Variants in RELT observed in about 807,000 individuals in gnomAD.
RELT encodes tumor necrosis factor receptor superfamily member 19L.
RELT carries 37 observed loss-of-function variants against 51.1 expected under a neutral mutation model. The observed-to-expected ratio is 0.72, with a 90% CI of 0.56 to 0.95. The LOEUF is 0.95. RELT is among the 40% of genes least tolerant of loss of function. The probability of loss-of-function intolerance (pLI) is 0.00; values close to 1 mark genes in which losing one functional copy is unlikely to be tolerated. For synonymous variants in RELT, 241 were observed against 235.7 expected (o/e 1.02, Z -0.21); for missense variants, 535 against 572.6 (o/e 0.93, Z 0.67).
intron 1 of RELT, among the ~76,000 whole-genome samples, chr11:73,385,453 T>G (rs374596217): frequency 6.6e-4 from 100 of 152,298 alleles, no homozygotes; most frequent in Middle Eastern, 3.4e-3. Flanking sequence ...AATTTCTGGT[T>G]CTCATTGTTC....
intron 6 of RELT, chr11:73,393,283 T>C: frequency 9.8e-7 from 1 of 1,019,240 alleles, no homozygotes; most frequent in Non-Finnish European, 1.2e-6. Context: ...AGACTTCCCT[T>C]TAACTGCTGG....
At position 73,388,158 on chromosome 11, in the gene RELT, T is replaced by C. The variant is rs562662170; in HGVS notation, c.-25-954T>C. ...GCCGTGACGCCACCATGGATATTTC[T>C]CTGAAGTATCACACACTGCACTCCC... On this transcript the variant is annotated intron_variant, in intron 1 of 10. Coordinates refer to ENST00000064780, the MANE Select transcript of RELT (RefSeq NM_152222.2). This position sits in a 1 kb window ranked among gnomAD's most constrained non-coding sequence, Gnocchi z 4.1. 2.2e-4 allele frequency among the ~76,000 whole-genome samples: 33 copies of C among 152,334 alleles called. No individual in the cohort carries two copies. Among genetic ancestry groups the C allele is most frequent in the Admixed American group, 1.5e-3 (23 of 15,310 alleles).
At chr11:73,386,869 G>T (rs1866132350) in intron 1 of RELT, among the ~76,000 whole-genome samples, 1 of 152,022 alleles carries the variant, frequency 6.6e-6, no homozygotes, top group South Asian at 2.1e-4. Context: ...AGCCCTCTGG[G>T]CCTACCTTGG....
At chr11:73,393,017 C>T (rs1866244592) in intron 6 of RELT, 11 of 1,003,308 alleles carry the variant, frequency 1.1e-5, no homozygotes, top group Non-Finnish European at 1.3e-5. Flanking sequence ...CACACCACTA[C>T]TCCCCTGCAG....
chr11:73,390,843 G>A lies in RELT; in HGVS notation c.209G>A (p.Arg70His), dbSNP rs760250164. The change falls in exon 4 of 11, where the codon CGT (arginine) becomes CAT (histidine). Residue 70 changes from arginine (R) to histidine (H), a missense_variant. By Grantham distance (29) the Arg-to-His change is conservative. Transcript: ENST00000064780. ...WGSSPCQPHA[R>H]CSLWRRLEAQ... ...TCCAGCCCATGCCAGCCCCATGCCC[G>A]TTGCAGCCTTTGGAGGAGGCTGGAG... The A allele has an allele frequency of 8.1e-5, 131 of 1,612,672 alleles. 1 individual carries two copies. The highest frequency in any genetic ancestry group is 1.2e-4 in the African/African-American group (9 of 74,862).
chr11:73,378,727 A>G (rs943311948), intron 1 of RELT, among the ~76,000 whole-genome samples: 8 of 152,224 alleles, frequency 5.3e-5, no homozygotes, highest in African/African-American at 1.7e-4. Flanking sequence ...GGTGGGTTAC[A>G]TGGTCTTCCT....
chr11:73,394,010 CTG>C lies in RELT; in HGVS notation c.706+94_706+95del, dbSNP rs1866264279. 2.3e-6 allele frequency: 3 copies of C among 1,279,104 alleles called. No individual in the cohort carries two copies. In the Admixed American group the frequency reaches 5.1e-5, roughly 22 times the overall value. The allele number at this position is 1,279,104 out of a possible 1,614,324, so 79.2% of individuals were successfully genotyped here. On this transcript the variant is annotated intron_variant, in intron 7 of 10. Coordinates refer to ENST00000064780, the MANE Select transcript of RELT (RefSeq NM_152222.2). This position sits in a 1 kb window ranked among gnomAD's most constrained non-coding sequence, Gnocchi z 4.9. ...CAGCCGCGGTGGGCAGAGTCTTGCC[CTG>C]CTCTGCCTTCCCTGCCAGGGTGCCT... is the stretch of plus-strand genomic sequence containing the variant.
Position 73,395,491 on chromosome 11 carries a change from AG to A in RELT, c.*4del, listed in dbSNP as rs1866304184. ...TAAGTGAGAGCAACCTGGTCATCTG[AG>A]GGGCGGTCTAGTCTAAGGACACTGC... On this transcript the variant is annotated 3_prime_UTR_variant, in exon 11 of 11. Coordinates refer to ENST00000064780, the MANE Select transcript of RELT (RefSeq NM_152222.2). 3 of 789,898 alleles carry A rather than the reference AG, an allele frequency of 3.8e-6. No homozygotes were observed. The highest frequency in any genetic ancestry group is 4.7e-6 in the Non-Finnish European group (2 of 426,350). 48.9% of individuals were successfully genotyped at this position (789,898 alleles called of 1,614,324 possible). A position where few individuals can be genotyped will look rare whatever the true frequency, so the allele number is the denominator to read the frequency against.
chr11:73,397,140 C>G lies in RELT; in HGVS notation c.*1649C>G, dbSNP rs1866332057. On this transcript the variant is annotated 3_prime_UTR_variant, in exon 11 of 11. Transcript: ENST00000064780. ...TCAGCGCAGCACCTGAGGAAATGCA[C>G]TGTGTGGAGCCCGGGAGGTAATTGG... The G allele has an allele frequency of 6.6e-6, 1 of 152,290 alleles. No individual in the cohort carries two copies. Among genetic ancestry groups the G allele is most frequent in the East Asian group, 1.9e-4 (1 of 5,200 alleles). 9.4% of individuals were successfully genotyped at this position (152,290 alleles called of 1,614,324 possible).
intron 1 of RELT, among the ~76,000 whole-genome samples, chr11:73,379,438 G>A (rs1372977086): frequency 6.6e-6 from 1 of 152,184 alleles, no homozygotes; most frequent in Non-Finnish European, 1.5e-5. Flanking sequence ...GCTGGAGGGA[G>A]GGCCCTATGT....
chr11:73,387,856 C>G, intron 1 of RELT, among the ~76,000 whole-genome samples: 1 of 152,224 alleles, frequency 6.6e-6, no homozygotes, highest in Non-Finnish European at 1.5e-5. Flanking sequence ...CAGCGGGGGC[C>G]TCAGCCGCGG....
intron 1 of RELT, among the ~76,000 whole-genome samples, chr11:73,378,307 T>A (rs1866000990): frequency 6.7e-6 from 1 of 149,706 alleles, no homozygotes. Context: ...TCTGCTGTCG[T>A]CCTCTGAAAA....
At position 73,395,214 on chromosome 11, in the gene RELT, C is replaced by A. The variant is rs780425055; in HGVS notation, c.1174C>A (p.Gln392Lys). The A allele has an allele frequency of 6.2e-7, 1 of 1,613,314 alleles. No homozygotes were observed. Among genetic ancestry groups the A allele is most frequent in the Non-Finnish European group, 8.5e-7 (1 of 1,179,958 alleles). The change falls in exon 10 of 11, where the codon CAG becomes AAG. Residue 392 changes from glutamine (Q) to lysine (K), a missense_variant. Transcript: ENST00000064780. ...CCCACAGCCTGGCCTCCCCCCTGAGCAGCAGGCCCTGCTAGGAAGTGGCGG... is the reference window on the plus strand; with the variant it reads ...CCCACAGCCTGGCCTCCCCCCTGAGAAGCAGGCCCTGCTAGGAAGTGGCGG... ...DSPQPGLPPE[Q>K]QALLGSGGSR...
At chr11:73,389,805 G>C (rs1357424099) in intron 2 of RELT, among the ~76,000 whole-genome samples, 1 of 152,220 alleles carries the variant, frequency 6.6e-6, no homozygotes, top group African/African-American at 2.4e-5. Context: ...CCGCTCTGGG[G>C]TCTGAGGAGA....
rs1565224206 is a variant in RELT, at chr11:73,394,303, C to CA, written c.775dup (p.Arg259LysfsTer41). The CA allele has an allele frequency of 6.2e-7, 1 of 1,613,142 alleles. No individual in the cohort carries two copies. Among genetic ancestry groups the CA allele is most frequent in the Admixed American group, 1.7e-5 (1 of 59,996 alleles). ...GCAAACAGCTGGTGCAGACGAGCCACAGGCCTGTGTCCAAGTGAGTGGGCT... is the reference window on the plus strand; with the variant it reads ...GCAAACAGCTGGTGCAGACGAGCCACAAGGCCTGTGTCCAAGTGAGTGGGCT... On this transcript the variant is annotated frameshift_variant, in exon 8 of 11. Coordinates refer to ENST00000064780, the MANE Select transcript of RELT (RefSeq NM_152222.2). LOFTEE classifies it high-confidence loss of function. This position sits in a 1 kb window ranked among gnomAD's most constrained non-coding sequence, Gnocchi z 4.9.
intron 5 of RELT, 124 bp downstream of exon 5, chr11:73,391,347 C>A: frequency 1.2e-6 from 1 of 864,052 alleles, no homozygotes; most frequent in Non-Finnish European, 1.8e-6. Context: ...CAGCCCAGGG[C>A]AGGGCGTGCA....
At chr11:73,382,636 ACTT>A (rs1160159299) in intron 1 of RELT, among the ~76,000 whole-genome samples, 2 of 152,032 alleles carry the variant, frequency 1.3e-5, no homozygotes, top group Non-Finnish European at 2.9e-5. Flanking sequence ...GGGTAGGTAA[ACTT>A]CATCTCCTTC....
chr11:73,390,764 C>A lies in RELT; in HGVS notation c.130C>A (p.Gln44Lys). The change falls in exon 4 of 11, where the codon CAG becomes AAG. Residue 44 changes from glutamine (Q) to lysine (K), a missense_variant. Gln to Lys is a moderately conservative substitution (Grantham distance 53, BLOSUM62 1). Transcript: ENST00000064780. ...CCTTTACCTCCCACAGGACCCAGGG[C>A]AGGGCACATTATGCAGGCCCTGCCC... ...PGEEPDLDPG[Q>K]GTLCRPCPPG... 2 of 1,609,518 alleles carry A rather than the reference C, an allele frequency of 1.2e-6. No individual in the cohort carries two copies. Among genetic ancestry groups the A allele is most frequent in the Non-Finnish European group, 1.7e-6 (2 of 1,178,340 alleles).
Position 73,396,003 on chromosome 11 carries a change from C to T in RELT, c.*512C>T. 1 of 161,124 alleles carries T rather than the reference C, an allele frequency of 6.2e-6. No individual in the cohort carries two copies. The highest frequency in any genetic ancestry group is 1.4e-5 in the Non-Finnish European group (1 of 72,958). 10.0% of individuals were successfully genotyped at this position (161,124 alleles called of 1,614,324 possible). Reference sequence around the variant, plus strand: ...TGAGTCCCTGGGTTCTAATCTTGGGCACATCTGTGGCCATCGCTGGGTCCA... The same window carrying T: ...TGAGTCCCTGGGTTCTAATCTTGGGTACATCTGTGGCCATCGCTGGGTCCA... On this transcript the variant is annotated 3_prime_UTR_variant, in exon 11 of 11. Transcript: ENST00000064780.
Sources: gnomAD v4.1 joint callset for allele counts (sites outside exome capture counted in the v4.1 genomes callset) on GRCh38, gnomAD v4.1.1 for gene constraint, Gnocchi (gnomAD v3.1) non-coding constraint, MANE v1.5 for transcripts, NCBI Gene and HGNC (gene_info 2026-07-23, HGNC 2026-07-21) for gene names.